The following FAM124A variants were observed in gnomAD, a reference collection of about 807,000 sequenced individuals.
FAM124A encodes family with sequence similarity 124 member A.
A neutral mutation model predicts 24.5 loss-of-function variants in FAM124A; 23 were observed. The ratio of observed to expected loss-of-function variants is 0.94; its 90% confidence interval spans 0.68 to 1.33. The LOEUF (loss-of-function observed/expected upper bound fraction) is 1.33, where lower values mean the gene tolerates loss of function less well. Among genes scored for constraint, FAM124A ranks in the 40% most tolerant of loss-of-function variants. The pLI, the probability that FAM124A is intolerant of heterozygous loss-of-function variation, is 0.00. For synonymous variants in FAM124A, 287 were observed against 314.7 expected (o/e 0.91, Z 0.93); for missense variants, 623 against 722.8 (o/e 0.86, Z 1.58).
Position 51,269,642 on chromosome 13 carries a change from A to G in FAM124A, c.835-10808A>G, listed in dbSNP as rs17252124. 1.1e-3 allele frequency among the ~76,000 whole-genome samples: 160 copies of G among 152,358 alleles called. 5 individuals carry two copies. In the East Asian group the frequency reaches 0.022, roughly 21 times the overall value. On this transcript the variant is annotated intron_variant, in intron 3 of 3. Coordinates refer to ENST00000322475, the MANE Select transcript of FAM124A (RefSeq NM_001242312.2). ...ATGTATAAATGAAGTTTAAGATGTT[A>G]AAGGAAATTAAGCTACAAAGCCCTT...
chr13:51,270,655 TCAA>T (rs1954831766), intron 3 of FAM124A, among the ~76,000 whole-genome samples: 1 of 152,222 alleles, frequency 6.6e-6, no homozygotes, highest in African/African-American at 2.4e-5. Context: ...ATCTCAACAA[TCAA>T]CATTTTCCCC....
intron 2 of FAM124A, among the ~76,000 whole-genome samples, chr13:51,239,068 C>T (rs1404290654): frequency 1.3e-5 from 2 of 152,142 alleles, no homozygotes; most frequent in Non-Finnish European, 2.9e-5. Flanking sequence ...ACTTTCTCCC[C>T]CCTTGAAAAG....
intron 1 of FAM124A, among the ~76,000 whole-genome samples, chr13:51,227,860 C>T (rs1954331750): frequency 6.6e-6 from 1 of 152,166 alleles, no homozygotes; most frequent in Non-Finnish European, 1.5e-5. Context: ...TGATACTTCG[C>T]TGTGACTTAA....
intron 3 of FAM124A, among the ~76,000 whole-genome samples, chr13:51,277,580 G>A (rs1954896507): frequency 1.3e-5 from 2 of 152,204 alleles, no homozygotes; most frequent in Non-Finnish European, 2.9e-5. Context: ...GGACCACGAG[G>A]TCAGAAGATT....
chr13:51,267,435 A>G (rs982043173), intron 3 of FAM124A, among the ~76,000 whole-genome samples: 1 of 152,218 alleles, frequency 6.6e-6, no homozygotes. Flanking sequence ...CTAGACCTCA[A>G]AAGAGAAGAA....
intron 1 of FAM124A, chr13:51,225,086 A>G (rs895088103): frequency 6.6e-6 from 1 of 152,156 alleles, no homozygotes; most frequent in Non-Finnish European, 1.5e-5. Flanking sequence ...TGCTTTGTGA[A>G]TTTGTATGAG....
intron 2 of FAM124A, among the ~76,000 whole-genome samples, chr13:51,249,520 G>A (rs1208479044): frequency 6.6e-6 from 1 of 152,182 alleles, no homozygotes; most frequent in East Asian, 1.9e-4. Flanking sequence ...AGGGTTCAGT[G>A]TTTAAAGAAA....
chr13:51,244,208 G>A (rs1421286348), intron 2 of FAM124A, among the ~76,000 whole-genome samples: 1 of 152,144 alleles, frequency 6.6e-6, no homozygotes, highest in Non-Finnish European at 1.5e-5. Context: ...ATGGTAAATT[G>A]TTACAGCCAC....
chr13:51,223,398 A>G (rs1954282668), intron 1 of FAM124A, among the ~76,000 whole-genome samples: 1 of 151,942 alleles, frequency 6.6e-6, no homozygotes, highest in Admixed American at 6.5e-5. Context: ...TCAGCACCAC[A>G]TCCAGGCCGC....
intron 3 of FAM124A, among the ~76,000 whole-genome samples, chr13:51,274,756 A>G (rs1954870699): frequency 6.6e-6 from 1 of 152,188 alleles, no homozygotes; most frequent in Non-Finnish European, 1.5e-5. Context: ...TTCATTCAGG[A>G]ATATATTGAG....
intron 2 of FAM124A, among the ~76,000 whole-genome samples, chr13:51,241,688 C>T (rs1954496080): frequency 6.6e-6 from 1 of 151,686 alleles, no homozygotes; most frequent in African/African-American, 2.4e-5. Flanking sequence ...GGAGACTTGT[C>T]AGTGTTATAT....
At position 51,258,552 on chromosome 13, in the gene FAM124A, A is replaced by T. The variant is rs993954750; in HGVS notation, c.834+6351A>T. 3.9e-5 allele frequency among the ~76,000 whole-genome samples: 6 copies of T among 152,142 alleles called. No individual in the cohort carries two copies. Among genetic ancestry groups the T allele is most frequent in the African/African-American group, 1.4e-4 (6 of 41,424 alleles). On this transcript the variant is annotated intron_variant, in intron 3 of 3. Coordinates refer to ENST00000322475, the MANE Select transcript of FAM124A (RefSeq NM_001242312.2). This position sits in a 1 kb window ranked among gnomAD's most constrained non-coding sequence, Gnocchi z 4.2. ...GGCTTCACCTTTCAGAGCAATGGAG[A>T]TGGCAGACATGCAAACCAAGAAAGC...
intron 2 of FAM124A, among the ~76,000 whole-genome samples, chr13:51,244,938 C>A (rs1056674803): frequency 6.6e-6 from 1 of 152,322 alleles, no homozygotes; most frequent in African/African-American, 2.4e-5. Context: ...GAAAAACCAA[C>A]GCGATGATTC....
At position 51,280,885 on chromosome 13, in the gene FAM124A, G is replaced by A; in HGVS notation, c.1270G>A (p.Asp424Asn). The change falls in exon 4 of 4, where the codon GAC becomes AAC. Residue 424 changes from aspartate to asparagine, a missense_variant. Physicochemically the swap from Asp to Asn is conservative, Grantham distance 23 (BLOSUM62 1). Transcript: ENST00000322475. The stretch of plus-strand genomic sequence containing the variant: ...CACAGGCCTGCGGCTGTCCTCATCG[G>A]ACCTGTCTGTGGTCTCTGCATATTC... Reference protein sequence around the residue: ...VDTGLRLSSSDLSVVSAYSAP... With the variant: ...VDTGLRLSSSNLSVVSAYSAP... The A allele has an allele frequency of 6.2e-7, 1 of 1,614,140 alleles. No individual in the cohort carries two copies. Among genetic ancestry groups the A allele is most frequent in the Non-Finnish European group, 8.5e-7 (1 of 1,180,032 alleles).
chr13:51,273,225 T>A (rs1954854766), intron 3 of FAM124A, among the ~76,000 whole-genome samples: 1 of 152,210 alleles, frequency 6.6e-6, no homozygotes, highest in Non-Finnish European at 1.5e-5. Flanking sequence ...GGCAATGTCC[T>A]GAGGCATTTT....
intron 3 of FAM124A, among the ~76,000 whole-genome samples, chr13:51,278,489 C>T (rs1415216214): frequency 6.6e-6 from 1 of 152,206 alleles, no homozygotes; most frequent in Non-Finnish European, 1.5e-5. Flanking sequence ...CCACCAGATC[C>T]GCCCATATGC....
At chr13:51,235,670 T>C (rs1225523013) in intron 2 of FAM124A, among the ~76,000 whole-genome samples, 1 of 152,234 alleles carries the variant, frequency 6.6e-6, no homozygotes, top group African/African-American at 2.4e-5. Context: ...AAACTGTTCC[T>C]CCTCAAAACT....
intron 2 of FAM124A, among the ~76,000 whole-genome samples, chr13:51,239,787 A>G (rs940731774): frequency 6.6e-6 from 1 of 152,244 alleles, no homozygotes; most frequent in African/African-American, 2.4e-5. Flanking sequence ...TGTCATAAAA[A>G]TTGTGATTTT....
chr13:51,246,216 C>T (rs545574340), intron 2 of FAM124A, among the ~76,000 whole-genome samples: 120 of 152,252 alleles, frequency 7.9e-4, no homozygotes, highest in Non-Finnish European at 1.4e-3. Flanking sequence ...AACAGGTGCT[C>T]GCTAGGTCCT....
Sources: allele counts gnomAD v4.1 joint callset (sites outside exome capture counted in the v4.1 genomes callset), GRCh38; gene constraint gnomAD v4.1.1; non-coding constraint Gnocchi (gnomAD v3.1); transcripts MANE v1.5; gene names NCBI Gene and HGNC (gene_info 2026-07-23, HGNC 2026-07-21).